The following ITIH4 variants were observed in gnomAD, a reference collection of about 807,000 sequenced individuals.
ITIH4 encodes the protein inter-alpha-trypsin inhibitor heavy chain 4.
ITIH4 carries 79 observed loss-of-function variants against 111.8 expected under a neutral mutation model. That is an observed-to-expected ratio of 0.71 (90% CI 0.59 to 0.85). The LOEUF is 0.85. Among genes scored for constraint, ITIH4 ranks in the 40% least tolerant of loss-of-function variants. ITIH4 has a pLI of 0.00. For synonymous variants in ITIH4, 472 were observed against 468.3 expected, an observed-to-expected ratio of 1.01 and a Z score of -0.10; for missense variants, 1,065 against 1,195.8, an observed-to-expected ratio of 0.89 and a Z score of 1.61.
intron 17 of ITIH4, 76 bp from the exon 18 acceptor site, chr3:52,818,612 C>A: frequency 8.2e-7 from 1 of 1,223,684 alleles, no homozygotes; most frequent in South Asian, 1.3e-5. Context: ...GCGCTGCCAC[C>A]AAGCTCCAGC....
intron 14 of ITIH4, 86 bp downstream of exon 14, chr3:52,820,205 G>T: frequency 6.3e-7 from 1 of 1,576,448 alleles, no homozygotes; most frequent in Non-Finnish European, 8.7e-7. Context: ...CTGGGCCCTG[G>T]CCAGCAACCT....
intron 17 of ITIH4, 68 bp downstream of exon 17, chr3:52,819,325 C>A (rs534691063): frequency 3.1e-5 from 49 of 1,594,978 alleles, no homozygotes; most frequent in Non-Finnish European, 4.0e-5. Flanking sequence ...CCCCACCCCC[C>A]TCTATGGGGC....
chr3:52,824,830 CACAGG>C lies in ITIH4; in HGVS notation c.876+7_876+11del. ...GAGTTTTCAGGGCCCTGCCCTGGGC[CACAGG>C]ACCTACCTGCTGGATTTTCCTGCCA... is the stretch of plus-strand genomic sequence containing the variant. On this transcript the variant is annotated splice_region_variant and intron_variant, in intron 7 of 23. Transcript: ENST00000266041. This position sits in a 1 kb window ranked among gnomAD's most constrained non-coding sequence, Gnocchi z 4.3. 6.2e-7 allele frequency: 1 copy of C among 1,602,644 alleles called. No individual in the cohort carries two copies. Among genetic ancestry groups the C allele is most frequent in the Non-Finnish European group, 8.5e-7 (1 of 1,170,620 alleles).
At position 52,824,586 on chromosome 3, in the gene ITIH4, T is replaced by C. The variant is rs1485378539; in HGVS notation, c.877-21A>G. On this transcript the variant is annotated intron_variant, in intron 7 of 23. Transcript: ENST00000266041. The surrounding 1 kb of genome is among the most constrained non-coding windows in gnomAD (Gnocchi z 4.3). Reference sequence around the variant, plus strand: ...CGGGTCTGGTCAGGGAGAGGAAACATAGGTGCTTCAGAAGGGCTCCCTGAG... The same window carrying C: ...CGGGTCTGGTCAGGGAGAGGAAACACAGGTGCTTCAGAAGGGCTCCCTGAG... 1.8e-5 allele frequency: 28 copies of C among 1,599,088 alleles called. No individual in the cohort carries two copies. The highest frequency in any genetic ancestry group is 4.5e-5 in the East Asian group (2 of 44,654).
intron 17 of ITIH4, chr3:52,818,881 G>T (rs35004449): frequency 0.26 from 87,037 of 337,032 alleles, 12,195 homozygotes; most frequent in Admixed American, 0.41. Context: ...AAGGACAGGT[G>T]AAGTCCTGCC....
chr3:52,827,013 G>A (rs1164204505), intron 3 of ITIH4, 60 bp from the exon 4 acceptor site: 1 of 1,612,556 alleles, frequency 6.2e-7, no homozygotes, highest in Non-Finnish European at 8.5e-7. Flanking sequence ...GCTGGTAGAG[G>A]TGGGAGCAGG....
rs67293153 is a variant in ITIH4, at chr3:52,812,970, ATT to A, written c.*449_*450del. On this transcript the variant is annotated 3_prime_UTR_variant, in exon 24 of 24. Transcript: ENST00000266041. ...AAAGAATTCCAACCCAGTTCACTCT[ATT>A]TTTTTTTTTTTTTTTTTTGTAGTCA... 4.2e-4 allele frequency: 56 copies of A among 132,796 alleles called. No individual in the cohort carries two copies. The highest frequency in any genetic ancestry group is 3.8e-3 in the Middle Eastern group (1 of 260). 8.2% of individuals were successfully genotyped at this position (132,796 alleles called of 1,614,324 possible).
chr3:52,820,600 TG>T (rs1700363632), intron 13 of ITIH4, 30 bp downstream of exon 13: 2 of 1,584,050 alleles, frequency 1.3e-6, no homozygotes, highest in African/African-American at 2.7e-5. Flanking sequence ...CTCTGCTACC[TG>T]GGAGGCTGAG....
chr3:52,816,200 G>A (rs766996447), intron 21 of ITIH4, among the ~76,000 whole-genome samples: 15 of 152,280 alleles, frequency 9.9e-5, no homozygotes, highest in Non-Finnish European at 1.6e-4. Flanking sequence ...CTTCCTGGAC[G>A]CCCCTCGTGA....
intron 6 of ITIH4, among the ~76,000 whole-genome samples, chr3:52,825,533 C>T (rs918616078): frequency 5.9e-5 from 9 of 151,934 alleles, no homozygotes; most frequent in Admixed American, 2.0e-4. Context: ...GGGAGTTTGA[C>T]GGTGCAGTGA....
chr3:52,823,874 G>T lies in ITIH4; in HGVS notation c.1302C>A (p.Gly434=). The change falls in exon 10 of 24, where the codon GGC becomes GGA. Residue 434 remains glycine (G), a synonymous_variant. Coordinates refer to ENST00000266041, the MANE Select transcript of ITIH4 (RefSeq NM_002218.5). ...AFLEKLALDN[G]GLARRIHEDS... ...CCTCATGGATGCGCCGGGCCAGGCC[G>T]CCATTGTCCAGTGCCAGCTTCTCCA... 1 of 1,613,736 alleles carries T rather than the reference G, an allele frequency of 6.2e-7. No homozygotes were observed. The highest frequency in any genetic ancestry group is 8.5e-7 in the Non-Finnish European group (1 of 1,179,954).
At chr3:52,830,411 C>T (rs747259887) in intron 1 of ITIH4, 142 bp downstream of exon 1, 15 of 792,088 alleles carry the variant, frequency 1.9e-5, no homozygotes, top group African/African-American at 5.1e-5. Flanking sequence ...TAGTGCCTGG[C>T]GGGAGGTCTG....
At chr3:52,820,040 G>T in intron 14 of ITIH4, 50 bp from the exon 15 acceptor site, 1 of 1,579,234 alleles carries the variant, frequency 6.3e-7, no homozygotes, top group Non-Finnish European at 8.7e-7. Flanking sequence ...CCTTCCTGTG[G>T]CCCCACTTGG....
At position 52,824,006 on chromosome 3, in the gene ITIH4, T is replaced by G. The variant is rs753437297; in HGVS notation, c.1172-2A>C. Reference sequence around the variant, plus strand: ...GGATGCTCCTGGGGTTAGTCTCCCCTGGACCCAGGGGTTTGGGATGAGGGT... The same window carrying G: ...GGATGCTCCTGGGGTTAGTCTCCCCGGGACCCAGGGGTTTGGGATGAGGGT... On this transcript the variant is annotated splice_acceptor_variant, in intron 9 of 23. Transcript: ENST00000266041. LOFTEE classifies it high-confidence loss of function. This position sits in a 1 kb window ranked among gnomAD's most constrained non-coding sequence, Gnocchi z 4.3. 6.4e-7 allele frequency: 1 copy of G among 1,556,406 alleles called. No individual in the cohort carries two copies.
At position 52,824,327 on chromosome 3, in the gene ITIH4, G is replaced by C. The variant is rs199810751; in HGVS notation, c.1046-12C>G. ...ATTGATGTTGGTCCCTGAGGAACAC[G>C]CACTCTCAAGGTGGTCCCCAGCCAG... On this transcript the variant is annotated splice_polypyrimidine_tract_variant and intron_variant, in intron 8 of 23. Transcript: ENST00000266041. The surrounding 1 kb of genome is among the most constrained non-coding windows in gnomAD (Gnocchi z 4.3). The C allele has an allele frequency of 6.2e-7, 1 of 1,612,110 alleles. No individual in the cohort carries two copies. Among genetic ancestry groups the C allele is most frequent in the Admixed American group, 1.7e-5 (1 of 59,974 alleles).
At position 52,826,958 on chromosome 3, in the gene ITIH4, G is replaced by T; in HGVS notation, c.357-5C>A. On this transcript the variant is annotated splice_region_variant and splice_polypyrimidine_tract_variant and intron_variant, in intron 3 of 23. Transcript: ENST00000266041. ...TCCATGTTTCTCCCGGTGGCCCTGG[G>T]GGAGAAGGGCATCAGGCCTGCTCCT... 1 of 1,614,110 alleles carries T rather than the reference G, an allele frequency of 6.2e-7. No homozygotes were observed. Among genetic ancestry groups the T allele is most frequent in the Non-Finnish European group, 8.5e-7 (1 of 1,180,002 alleles).
At position 52,813,235 on chromosome 3, in the gene ITIH4, G is replaced by A. The variant is rs971823365; in HGVS notation, c.*186C>T. 8.1e-6 allele frequency: 5 copies of A among 616,480 alleles called. No homozygotes were observed. The highest frequency in any genetic ancestry group is 1.5e-5 in the Non-Finnish European group (5 of 340,870). 38.2% of individuals were successfully genotyped at this position (616,480 alleles called of 1,614,324 possible). ...TCCACGATGCTAAGGTTCAGGATGC[G>A]AGGTTGAGGCCCTAGGATTTGGCCA... On this transcript the variant is annotated 3_prime_UTR_variant, in exon 24 of 24. Coordinates refer to ENST00000266041, the MANE Select transcript of ITIH4 (RefSeq NM_002218.5).
Position 52,827,137 on chromosome 3 carries a change from C to T in ITIH4, c.312G>A (p.Gln104=), listed in dbSNP as rs1197626588. The change falls in exon 3 of 24, where the codon CAG becomes CAA. Residue 104 remains glutamine (Q), a synonymous_variant. Transcript: ENST00000266041. ...IIKEKAEAQA[Q]YSAAVAKGKS... Reference sequence around the variant, plus strand: ...TTCCCTTGGCCACTGCTGCGCTGTACTGTGCCTGGGCTTCAGCCTTCTCCT... The same window carrying T: ...TTCCCTTGGCCACTGCTGCGCTGTATTGTGCCTGGGCTTCAGCCTTCTCCT... 6.2e-7 allele frequency: 1 copy of T among 1,614,210 alleles called. No individual in the cohort carries two copies.
chr3:52,825,055 G>A, intron 6 of ITIH4, 97 bp from the exon 7 acceptor site: 1 of 763,236 alleles, frequency 1.3e-6, no homozygotes, highest in Non-Finnish European at 2.1e-6. Context: ...TCTGTGCTCT[G>A]TTCCAATCCC....
Sources: allele counts gnomAD v4.1 joint callset (sites outside exome capture counted in the v4.1 genomes callset), GRCh38; gene constraint gnomAD v4.1.1; non-coding constraint Gnocchi (gnomAD v3.1); transcripts MANE v1.5; gene names NCBI Gene and HGNC (gene_info 2026-07-23, HGNC 2026-07-21).